Variants in TPCN1 observed in about 807,000 individuals in gnomAD.
TPCN1 encodes the protein two pore channel protein 1.
A neutral mutation model predicts 108.8 loss-of-function variants in TPCN1; 52 were observed. The ratio of observed to expected loss-of-function variants is 0.48; its 90% confidence interval spans 0.38 to 0.60. TPCN1 has a LOEUF of 0.60. Ranked by LOEUF, TPCN1 falls within the 20% of genes least tolerant of loss-of-function variation. The pLI, the probability that TPCN1 is intolerant of heterozygous loss-of-function variation, is 0.00. For missense variants in TPCN1, 806 were observed against 1,072.8 expected (o/e 0.75, Z 3.47); for synonymous variants, 446 against 433.7 (o/e 1.03, Z -0.35).
Position 113,296,390 on chromosome 12 carries a change from T to C in TPCN1, c.*314T>C, listed in dbSNP as rs1956430054. ...AGTCGACTGCGGGGCTTGCCCCTCA[T>C]GTGGGCTGGCCTCCATCGGCCACGT... On this transcript the variant is annotated 3_prime_UTR_variant, in exon 28 of 28. Coordinates refer to ENST00000335509, the MANE Select transcript of TPCN1 (RefSeq NM_017901.6). 3 of 337,914 alleles carry C rather than the reference T, an allele frequency of 8.9e-6. No homozygotes were observed. Among genetic ancestry groups the C allele is most frequent in the Non-Finnish European group, 1.6e-5 (3 of 182,550 alleles). The allele number at this position is 337,914 out of a possible 1,614,324, so 20.9% of individuals were successfully genotyped here. A position where few individuals can be genotyped will look rare whatever the true frequency, so the allele number is the denominator to read the frequency against.
In TPCN1 at chr12:113,284,192, G is replaced by A. The variant is rs1172815555; in HGVS notation, c.1343-389G>A. The stretch of plus-strand genomic sequence containing the variant: ...GCTAGGCGAATGGCTTAATGCATAT[G>A]CAGTTTTTCTAAAGAGTTCATGCAA... On this transcript the variant is annotated intron_variant, in intron 15 of 27. Coordinates refer to ENST00000335509, the MANE Select transcript of TPCN1 (RefSeq NM_017901.6). This position sits in a 1 kb window ranked among gnomAD's most constrained non-coding sequence, Gnocchi z 4.1. Among the ~76,000 whole-genome samples the A allele has an allele frequency of 1.3e-5, 2 of 152,228 alleles. No homozygotes were observed. Among genetic ancestry groups the A allele is most frequent in the Non-Finnish European group, 2.9e-5 (2 of 68,040 alleles).
chr12:113,286,537 G>T (rs1956089241), intron 18 of TPCN1, among the ~76,000 whole-genome samples: 2 of 134,208 alleles, frequency 1.5e-5, no homozygotes, highest in South Asian at 4.7e-4. Flanking sequence ...AGGGCGAGCT[G>T]TTCTCCCGAT....
chr12:113,256,060 C>T (rs572599145), intron 2 of TPCN1, among the ~76,000 whole-genome samples: 13 of 152,158 alleles, frequency 8.5e-5, no homozygotes, highest in Non-Finnish European at 1.2e-4. Context: ...TGACCTGAAG[C>T]GATCCATCCA....
intron 10 of TPCN1, among the ~76,000 whole-genome samples, chr12:113,274,829 C>T (rs924803379): frequency 6.6e-6 from 1 of 152,220 alleles, no homozygotes; most frequent in African/African-American, 2.4e-5. Flanking sequence ...CCAGGCTCAT[C>T]CCAGAGCCCT....
rs1401859418 is a variant in TPCN1 at position 113,277,297 on chromosome 12, CG to C, written c.1119del (p.Met374Ter). ...AGGCCTCATGCGCTTCTACAAGCCC[CG>C]GATGAGTGCCAGGGAGCGCTATCTT... ...FEGLMRFYKP[R>X]MSARERYLTF... On this transcript the variant is annotated frameshift_variant, in exon 12 of 28. Transcript: ENST00000335509. LOFTEE classifies it high-confidence loss of function. 6.2e-7 allele frequency: 1 copy of C among 1,614,032 alleles called. No homozygotes were observed. Among genetic ancestry groups the C allele is most frequent in the African/African-American group, 1.3e-5 (1 of 74,924 alleles).
At chr12:113,260,924 C>T (rs985936753) in intron 3 of TPCN1, among the ~76,000 whole-genome samples, 6 of 151,266 alleles carry the variant, frequency 4.0e-5, no homozygotes, top group South Asian at 4.2e-4. Context: ...CAGGCATGGT[C>T]GCTCATGCCT....
At position 113,266,017 on chromosome 12, in the gene TPCN1, G is replaced by GT. The variant is rs1955246681; in HGVS notation, c.238-162dup. ...CAGGCAGGAGTGAGACCTGACCACC[G>GT]TGAGTTTCGCGAAGATCATTTTGAT... On this transcript the variant is annotated intron_variant, in intron 3 of 27. Transcript: ENST00000335509. This position sits in a 1 kb window ranked among gnomAD's most constrained non-coding sequence, Gnocchi z 4.2. 1.3e-5 allele frequency among the ~76,000 whole-genome samples: 2 copies of GT among 150,454 alleles called. No individual in the cohort carries two copies. The highest frequency in any genetic ancestry group is 1.3e-4 in the Admixed American group (2 of 15,200).
chr12:113,290,022 A>G (rs573729168), intron 21 of TPCN1, 106 bp from the exon 22 acceptor site: 6 of 719,030 alleles, frequency 8.3e-6, no homozygotes, highest in Non-Finnish European at 1.4e-5. Flanking sequence ...CGGGCAGAAC[A>G]GAAGGATCCT....
chr12:113,241,138 A>C (rs912601017), intron 2 of TPCN1, among the ~76,000 whole-genome samples: 1 of 152,168 alleles, frequency 6.6e-6, no homozygotes, highest in Admixed American at 6.5e-5. Flanking sequence ...TTCCCCACCA[A>C]CAGAAAGGGA....
At chr12:113,236,187 C>A (rs1423793117) in intron 2 of TPCN1, among the ~76,000 whole-genome samples, 1 of 152,106 alleles carries the variant, frequency 6.6e-6, no homozygotes, top group Non-Finnish European at 1.5e-5. Context: ...ATGGCAAGAC[C>A]GGGCAGTGTG....
At position 113,277,235 on chromosome 12, in the gene TPCN1, C is replaced by T. The variant is rs1257697374; in HGVS notation, c.1060-5C>T. The T allele has an allele frequency of 1.2e-6, 2 of 1,612,380 alleles. No individual in the cohort carries two copies. Among genetic ancestry groups the T allele is most frequent in the East Asian group, 2.2e-5 (1 of 44,760 alleles). The stretch of plus-strand genomic sequence containing the variant: ...GGTTCCACACTGCTCTTCCCTCTCC[C>T]CCAGAGGCCTGCCGGCATCTCCTAC... On this transcript the variant is annotated splice_polypyrimidine_tract_variant and splice_region_variant and intron_variant, in intron 11 of 27. Coordinates refer to ENST00000335509, the MANE Select transcript of TPCN1 (RefSeq NM_017901.6).
At chr12:113,223,639 G>T (rs1244525400) in intron 1 of TPCN1, among the ~76,000 whole-genome samples, 2 of 152,158 alleles carry the variant, frequency 1.3e-5, no homozygotes, top group African/African-American at 4.8e-5. Context: ...TGCCTCCTGG[G>T]TTCAAGTGAT....
At chr12:113,245,600 CAA>C (rs766002477) in intron 2 of TPCN1, among the ~76,000 whole-genome samples, 4 of 43,204 alleles carry the variant, frequency 9.3e-5, no homozygotes, top group African/African-American at 1.1e-4. Context: ...GACTCCGTCT[CAA>C]AAAAAAAAAA....
Position 113,260,351 on chromosome 12 carries a change from C to T in TPCN1, c.113-17C>T. 1.3e-6 allele frequency: 2 copies of T among 1,486,006 alleles called. No homozygotes were observed. The highest frequency in any genetic ancestry group is 1.8e-6 in the Non-Finnish European group (2 of 1,120,250). The allele number at this position is 1,486,006 out of a possible 1,614,324, so 92.1% of individuals were successfully genotyped here. On this transcript the variant is annotated splice_polypyrimidine_tract_variant and intron_variant, in intron 2 of 27. Coordinates refer to ENST00000335509, the MANE Select transcript of TPCN1 (RefSeq NM_017901.6). ...AAGCCTGGGTGCCAAGTGAATCTCT[C>T]TCCTCTTCCAATGCAGATGGCGGCA...
chr12:113,235,962 G>A (rs1009059783), intron 2 of TPCN1, among the ~76,000 whole-genome samples: 8 of 152,318 alleles, frequency 5.3e-5, no homozygotes, highest in South Asian at 2.1e-4. Flanking sequence ...GCTGGAGTGG[G>A]TGGCATCTGA....
chr12:113,291,748 C>A (rs1297116298), intron 24 of TPCN1, 71 bp downstream of exon 24: 1 of 1,585,434 alleles, frequency 6.3e-7, no homozygotes, highest in African/African-American at 1.3e-5. Flanking sequence ...GCTCTTCAGC[C>A]TGCAGCGTCA....
In TPCN1 at chr12:113,272,605, T is replaced by A; in HGVS notation, c.749-53T>A. 3 of 1,556,388 alleles carry A rather than the reference T, an allele frequency of 1.9e-6. No homozygotes were observed. Among genetic ancestry groups the A allele is most frequent in the Non-Finnish European group, 2.7e-6 (3 of 1,127,490 alleles). Reference sequence around the variant, plus strand: ...TTTGTCCAGTCCTTTTGACACCAGGTTTTGGGACCTCTGCTCTAATCCTTT... The same window carrying A: ...TTTGTCCAGTCCTTTTGACACCAGGATTTGGGACCTCTGCTCTAATCCTTT... On this transcript the variant is annotated intron_variant, in intron 7 of 27. Transcript: ENST00000335509. This position sits in a 1 kb window ranked among gnomAD's most constrained non-coding sequence, Gnocchi z 4.1.
intron 1 of TPCN1, 92 bp downstream of exon 1, chr12:113,221,718 C>T (rs1454228831): frequency 6.3e-6 from 1 of 158,904 alleles, no homozygotes; most frequent in African/African-American, 2.4e-5. Context: ...CGGCGCAGCA[C>T]TCTGGTGTGG....
intron 19 of TPCN1, 140 bp downstream of exon 19, chr12:113,287,234 C>G: frequency 1.4e-6 from 1 of 692,706 alleles, no homozygotes; most frequent in Non-Finnish European, 2.5e-6. Context: ...GGAGAATCAC[C>G]ATGGGGTCAA....
Sources: allele counts gnomAD v4.1 joint callset (sites outside exome capture counted in the v4.1 genomes callset), GRCh38; gene constraint gnomAD v4.1.1; non-coding constraint Gnocchi (gnomAD v3.1); transcripts MANE v1.5; gene names NCBI Gene and HGNC (gene_info 2026-07-23, HGNC 2026-07-21).